The following NT5M variants were observed in gnomAD, a reference collection of about 807,000 sequenced individuals.
NT5M encodes 5',3'-nucleotidase, mitochondrial, also known as 5'(3')-deoxyribonucleotidase, mitochondrial.
NT5M carries 22 observed loss-of-function variants against 22.2 expected under a neutral mutation model. The ratio of observed to expected loss-of-function variants is 0.99; its 90% CI spans 0.71 to 1.41. The LOEUF (loss-of-function observed/expected upper bound fraction) is 1.41, where lower values mean the gene tolerates loss of function less well. NT5M is among the 40% of genes most tolerant of loss of function. NT5M has a pLI of 0.00. For missense variants in NT5M, 322 were observed against 314.8 expected, an observed-to-expected ratio of 1.02 and a Z score of -0.17; for synonymous variants, 167 against 133.0, an observed-to-expected ratio of 1.26 and a Z score of -1.76.
intron 2 of NT5M, among the ~76,000 whole-genome samples, chr17:17,320,362 A>G (rs9905836): frequency 0.62 from 93,556 of 151,822 alleles, 30,215 homozygotes; most frequent in East Asian, 0.79. Flanking sequence ...CAGTTTGACT[A>G]GGGTGAGGTC....
chr17:17,313,551 C>T (rs2048962973), intron 2 of NT5M, among the ~76,000 whole-genome samples: 1 of 152,138 alleles, frequency 6.6e-6, no homozygotes, highest in Non-Finnish European at 1.5e-5. Flanking sequence ...GAGATGTGGG[C>T]CCAGCAGCAG....
chr17:17,325,721 C>A (rs2049251766), intron 3 of NT5M, among the ~76,000 whole-genome samples: 1 of 152,180 alleles, frequency 6.6e-6, no homozygotes. Flanking sequence ...GCCTGCCTGC[C>A]TCTCCACCCA....
At chr17:17,322,924 C>G (rs1489939284) in intron 2 of NT5M, among the ~76,000 whole-genome samples, 3 of 152,212 alleles carry the variant, frequency 2.0e-5, no homozygotes, top group Non-Finnish European at 2.9e-5. Flanking sequence ...ACTTACCACT[C>G]TGCATTGCAG....
rs1481704571 is a variant in NT5M, at chr17:17,306,502, C to T, written c.268-41C>T. The T allele has an allele frequency of 3.5e-6, 5 of 1,430,712 alleles. No homozygotes were observed. The African/African-American group carries it at 7.0e-5, about 20-fold the overall frequency. 88.6% of individuals were successfully genotyped at this position (1,430,712 alleles called of 1,614,324 possible). The stretch of plus-strand genomic sequence containing the variant: ...TCCCCAAGATGAGGGCAGTAAGGTG[C>T]TGAGGACCCTGGAAGTAACTTGCTT... On this transcript the variant is annotated intron_variant, in intron 1 of 4. Transcript: ENST00000389022.
At chr17:17,314,182 C>T (rs1285472032) in intron 2 of NT5M, among the ~76,000 whole-genome samples, 7 of 151,940 alleles carry the variant, frequency 4.6e-5, no homozygotes, top group East Asian at 1.9e-4. Context: ...TACGGGCGCC[C>T]GCCACCACGC....
intron 3 of NT5M, among the ~76,000 whole-genome samples, chr17:17,340,206 G>T (rs2049608205): frequency 6.6e-6 from 1 of 152,050 alleles, no homozygotes; most frequent in Admixed American, 6.5e-5. Flanking sequence ...GTTCAATCTT[G>T]GTAGATTGCA....
chr17:17,321,462 G>A (rs2049149662), intron 2 of NT5M, among the ~76,000 whole-genome samples: 1 of 151,802 alleles, frequency 6.6e-6, no homozygotes. Flanking sequence ...TGAGCCCGGC[G>A]GCAGGTGAGT....
rs965736252 is a variant in NT5M at position 17,327,709 on chromosome 17, G to C, written c.429+4464G>C. Among the ~76,000 whole-genome samples, 20 of 105,288 alleles carry C rather than the reference G, an allele frequency of 1.9e-4. 7 individuals are homozygous for C. Among genetic ancestry groups the C allele is most frequent in the Non-Finnish European group, 3.7e-4 (18 of 48,432 alleles). 69.1% of individuals were successfully genotyped at this position (105,288 alleles called of 152,430 possible). On this transcript the variant is annotated intron_variant, in intron 3 of 4. Coordinates refer to ENST00000389022, the MANE Select transcript of NT5M (RefSeq NM_020201.4). ...ATTTTTGTATTTTTAGTAGAGACGG[G>C]GTTTCGCTATGTTGGTCAGGCTGGT...
rs575110115 is a variant in NT5M, at chr17:17,344,701, G to A, written c.430-93G>A. 57 of 1,481,070 alleles carry A rather than the reference G, an allele frequency of 3.8e-5. No individual in the cohort carries two copies. The African/African-American group carries it at 7.2e-4, about 19-fold the overall frequency. 91.7% of individuals were successfully genotyped at this position (1,481,070 alleles called of 1,614,324 possible). ...CCATCCCTCCCTGCCTGTTAGCTGA[G>A]GTCTAGGCTGACCCCTGCCCTCGGC... On this transcript the variant is annotated intron_variant, in intron 3 of 4. Transcript: ENST00000389022.
chr17:17,325,740 C>G (rs755176558), intron 3 of NT5M, among the ~76,000 whole-genome samples: 1 of 152,186 alleles, frequency 6.6e-6, no homozygotes, highest in African/African-American at 2.4e-5. Flanking sequence ...CACTGTGCCC[C>G]CCTCTCTGTG....
intron 2 of NT5M, among the ~76,000 whole-genome samples, chr17:17,307,945 G>T (rs1039420602): frequency 6.6e-6 from 1 of 152,092 alleles, no homozygotes. Context: ...AGCTACTTAG[G>T]AGGCTGAAGC....
At position 17,347,003 on chromosome 17, in the gene NT5M, G is replaced by A. The variant is rs748573821; in HGVS notation, c.*56G>A. The A allele has an allele frequency of 3.2e-5, 51 of 1,584,374 alleles. No homozygotes were observed. The African/African-American group carries it at 3.4e-4, about 10-fold the overall frequency. ...GCTCTGACCTCAGGGCTCCCAGCTCGGGGCCTGTGGGGCCAGTATGCTGGT... is the reference window on the plus strand; with the variant it reads ...GCTCTGACCTCAGGGCTCCCAGCTCAGGGCCTGTGGGGCCAGTATGCTGGT... On this transcript the variant is annotated 3_prime_UTR_variant, in exon 5 of 5. Transcript: ENST00000389022.
intron 1 of NT5M, among the ~76,000 whole-genome samples, chr17:17,305,139 A>G (rs975206837): frequency 1.8e-4 from 28 of 152,110 alleles, no homozygotes; most frequent in African/African-American, 5.3e-4. Context: ...CCGGGAGTGT[A>G]TTAACGTGGA....
intron 3 of NT5M, among the ~76,000 whole-genome samples, chr17:17,336,992 T>C (rs1334977236): frequency 2.6e-5 from 4 of 151,972 alleles, no homozygotes; most frequent in East Asian, 3.8e-4. Flanking sequence ...ACTGATTTCC[T>C]TTTTTTTAGG....
chr17:17,316,902 G>A (rs1340778528), intron 2 of NT5M, among the ~76,000 whole-genome samples: 5 of 149,594 alleles, frequency 3.3e-5, no homozygotes, highest in African/African-American at 1.2e-4. Context: ...TTTTAGTAGA[G>A]ACAGCATTTC....
chr17:17,326,841 G>T (rs1243565974), intron 3 of NT5M, among the ~76,000 whole-genome samples: 1 of 152,224 alleles, frequency 6.6e-6, no homozygotes, highest in African/African-American at 2.4e-5. Context: ...AAGGCAACAA[G>T]AATCCACATC....
intron 3 of NT5M, among the ~76,000 whole-genome samples, chr17:17,340,920 C>T: frequency 6.6e-6 from 1 of 152,116 alleles, no homozygotes; most frequent in Non-Finnish European, 1.5e-5. Flanking sequence ...CAGGCCCCCA[C>T]AGAAGCATTT....
At chr17:17,334,759 C>G (rs761606739) in intron 3 of NT5M, among the ~76,000 whole-genome samples, 3 of 152,260 alleles carry the variant, frequency 2.0e-5, no homozygotes, top group Non-Finnish European at 4.4e-5. Context: ...CAGGCGTGAG[C>G]CACTGTGCCT....
intron 3 of NT5M, among the ~76,000 whole-genome samples, chr17:17,335,758 A>G (rs956954903): frequency 6.6e-6 from 1 of 150,542 alleles, no homozygotes; most frequent in Non-Finnish European, 1.5e-5. Flanking sequence ...TCAGCCTCCC[A>G]AGTAGCTGGA....
Sources: allele counts gnomAD v4.1 joint callset (sites outside exome capture counted in the v4.1 genomes callset), GRCh38; gene constraint gnomAD v4.1.1; transcripts MANE v1.5; gene names NCBI Gene and HGNC (gene_info 2026-07-23, HGNC 2026-07-21).